The following CTDSPL2 variants were observed in gnomAD, a reference collection of about 807,000 sequenced individuals.
CTDSPL2 encodes CTD small phosphatase-like protein 2.
Under a neutral mutation model 60.0 loss-of-function variants are expected in CTDSPL2, and 5 were observed. The observed-to-expected ratio is 0.08, with a 90% CI of 0.04 to 0.18. CTDSPL2 has a LOEUF of 0.18. CTDSPL2 is among the 10% of genes least tolerant of loss of function. The pLI, the probability that CTDSPL2 is intolerant of heterozygous loss-of-function variation, is 1.00. For missense variants in CTDSPL2, 370 were observed against 548.8 expected, an observed-to-expected ratio of 0.67 and a Z score of 3.26; for synonymous variants, 186 against 189.3, an observed-to-expected ratio of 0.98 and a Z score of 0.14.
At chr15:44,474,613 T>C (rs1412299054) in intron 2 of CTDSPL2, among the ~76,000 whole-genome samples, 1 of 152,114 alleles carries the variant, frequency 6.6e-6, no homozygotes, top group African/African-American at 2.4e-5. Flanking sequence ...TCCAGCACTT[T>C]GGGAGGCTGA....
intron 2 of CTDSPL2, among the ~76,000 whole-genome samples, chr15:44,477,290 T>G: frequency 6.6e-6 from 1 of 152,134 alleles, no homozygotes. Flanking sequence ...CCCAGCACTT[T>G]GGGAGGCCAA....
chr15:44,464,680 T>C (rs73417559), intron 2 of CTDSPL2, among the ~76,000 whole-genome samples: 2,064 of 152,264 alleles, frequency 0.014, 48 homozygotes, highest in African/African-American at 0.047. Context: ...TCATACTTCT[T>C]TAGGGGCCAC....
intron 2 of CTDSPL2, among the ~76,000 whole-genome samples, chr15:44,471,981 AAAAG>A (rs2080820213): frequency 6.6e-6 from 1 of 152,052 alleles, no homozygotes; most frequent in Admixed American, 6.6e-5. Flanking sequence ...TAAAAAAAAA[AAAAG>A]AGAAAAAACA....
Position 44,498,637 on chromosome 15 carries a change from C to T in CTDSPL2, c.883-1090C>T, listed in dbSNP as rs567564029. ...TATCTAGGTCAGGCACAGTGGCTCA[C>T]GCTTGTAATCCCAGCACTTTGGGAG... On this transcript the variant is annotated intron_variant, in intron 7 of 12. Transcript: ENST00000260327. Among the ~76,000 whole-genome samples the T allele has an allele frequency of 5.0e-3, 753 of 151,992 alleles. 4 individuals are homozygous for T. The highest frequency in any genetic ancestry group is 0.016 in the African/African-American group (664 of 41,462).
chr15:44,515,028 T>C (rs964015410), intron 10 of CTDSPL2, among the ~76,000 whole-genome samples, 184 bp downstream of exon 10: 2 of 152,112 alleles, frequency 1.3e-5, no homozygotes, highest in African/African-American at 4.8e-5. Context: ...AGACAGACGT[T>C]CTTTAAAGGA....
chr15:44,524,336 T>C lies in CTDSPL2; in HGVS notation c.*162T>C, dbSNP rs1191452480. ...ATAATTAAGGGTTACAGAAAGAGACTTTATCTATCTCAGATCGAATACATA... is the reference window on the plus strand; with the variant it reads ...ATAATTAAGGGTTACAGAAAGAGACCTTATCTATCTCAGATCGAATACATA... On this transcript the variant is annotated 3_prime_UTR_variant, in exon 13 of 13. Transcript: ENST00000260327. 4 of 622,392 alleles carry C rather than the reference T, an allele frequency of 6.4e-6. No homozygotes were observed. The East Asian group carries it at 1.1e-4, about 17-fold the overall frequency. 38.6% of individuals were successfully genotyped at this position (622,392 alleles called of 1,614,324 possible).
chr15:44,482,421 G>T (rs2081045637), intron 2 of CTDSPL2, among the ~76,000 whole-genome samples: 1 of 152,138 alleles, frequency 6.6e-6, no homozygotes. Context: ...TACTTTTATT[G>T]TTGCAGAATG....
chr15:44,457,961 T>G (rs2080483981), intron 1 of CTDSPL2, among the ~76,000 whole-genome samples: 1 of 152,230 alleles, frequency 6.6e-6, no homozygotes, highest in Non-Finnish European at 1.5e-5. Context: ...ATGATTGTTT[T>G]GTTGAGTTAC....
chr15:44,448,007 C>T (rs954654259), intron 1 of CTDSPL2: 3 of 213,776 alleles, frequency 1.4e-5, no homozygotes, highest in South Asian at 6.8e-5. Flanking sequence ...TGTTGGCACC[C>T]GTCCACCCCA....
At chr15:44,495,250 G>A (rs1368921590) in intron 5 of CTDSPL2, among the ~76,000 whole-genome samples, 3 of 151,806 alleles carry the variant, frequency 2.0e-5, no homozygotes, top group Admixed American at 1.3e-4. Context: ...GATTACAGGC[G>A]CCCGCCACCA....
At chr15:44,502,326 C>T (rs1009516608) in intron 8 of CTDSPL2, among the ~76,000 whole-genome samples, 1 of 151,778 alleles carries the variant, frequency 6.6e-6, no homozygotes, top group Non-Finnish European at 1.5e-5. Flanking sequence ...CCTCTTGGGA[C>T]TTATTTTACG....
chr15:44,508,069 C>T (rs553433866), intron 8 of CTDSPL2, among the ~76,000 whole-genome samples: 1 of 151,636 alleles, frequency 6.6e-6, no homozygotes, highest in Non-Finnish European at 1.5e-5. Flanking sequence ...TTAATTGTAG[C>T]ATCTCATTCT....
intron 1 of CTDSPL2, among the ~76,000 whole-genome samples, chr15:44,452,000 A>G (rs2080343045): frequency 6.6e-6 from 1 of 152,208 alleles, no homozygotes; most frequent in Non-Finnish European, 1.5e-5. Context: ...AACTGTCTTA[A>G]GGAAAGAATC....
intron 1 of CTDSPL2, among the ~76,000 whole-genome samples, chr15:44,447,188 A>G (rs2080235059): frequency 6.6e-6 from 1 of 152,178 alleles, no homozygotes; most frequent in South Asian, 2.1e-4. Context: ...TGTGGTTGAG[A>G]AGGTTAAGTG....
intron 8 of CTDSPL2, among the ~76,000 whole-genome samples, chr15:44,509,136 A>T (rs2081522698): frequency 6.6e-6 from 1 of 152,140 alleles, no homozygotes; most frequent in South Asian, 2.1e-4. Flanking sequence ...TTTACCACAT[A>T]ATATGTAGAA....
At chr15:44,497,665 C>A in intron 7 of CTDSPL2, among the ~76,000 whole-genome samples, 1 of 152,118 alleles carries the variant, frequency 6.6e-6, no homozygotes, top group East Asian at 1.9e-4. Flanking sequence ...CCACTGAGCC[C>A]GGCCCCAGTA....
intron 10 of CTDSPL2, among the ~76,000 whole-genome samples, chr15:44,516,116 G>A (rs1331182795): frequency 6.6e-6 from 1 of 151,082 alleles, no homozygotes; most frequent in Non-Finnish European, 1.5e-5. Flanking sequence ...ACAGGTGTGT[G>A]CCACCACACC....
intron 2 of CTDSPL2, among the ~76,000 whole-genome samples, chr15:44,481,054 G>C (rs1481658728): frequency 1.3e-5 from 2 of 151,822 alleles, no homozygotes; most frequent in Non-Finnish European, 2.9e-5. Flanking sequence ...TGGATCATCA[G>C]GCTGGGCACC....
chr15:44,472,678 T>C (rs925928849), intron 2 of CTDSPL2, among the ~76,000 whole-genome samples: 2 of 152,100 alleles, frequency 1.3e-5, no homozygotes, highest in Non-Finnish European at 2.9e-5. Flanking sequence ...CTTTCCCCAC[T>C]TTTTGGAGAC....
Sources: gnomAD v4.1 joint callset for allele counts (sites outside exome capture counted in the v4.1 genomes callset) on GRCh38, gnomAD v4.1.1 for gene constraint, MANE v1.5 for transcripts, NCBI Gene and HGNC (gene_info 2026-07-23, HGNC 2026-07-21) for gene names.